Variants in ZNF280C observed in about 807,000 individuals in gnomAD.
ZNF280C encodes zinc finger protein 280C.
Under a neutral mutation model 53.6 loss-of-function variants are expected in ZNF280C, and 14 were observed. The observed-to-expected ratio is 0.26, with a 90% CI of 0.17 to 0.41. ZNF280C has a LOEUF of 0.41. ZNF280C is among the 10% of genes least tolerant of loss of function. ZNF280C has a pLI of 1.00. For synonymous variants in ZNF280C, 203 were observed against 181.1 expected, an observed-to-expected ratio of 1.12 and a Z score of -0.97; for missense variants, 416 against 547.1, an observed-to-expected ratio of 0.76 and a Z score of 2.39.
In ZNF280C at chrX:130,215,657, A is replaced by T. The variant is rs774356433; in HGVS notation, c.1838+134T>A. 4 of 620,849 alleles carry T rather than the reference A, an allele frequency of 6.4e-6. No individual in the cohort carries two copies. In the East Asian group the frequency reaches 1.1e-4, roughly 17 times the overall value. 51.2% of individuals were successfully genotyped at this position (620,849 alleles called of 1,213,427 possible). A position where few individuals can be genotyped will look rare whatever the true frequency, so the allele number is the denominator to read the frequency against. ...GTTCTGCTCAGCAGTTGTAAAAAGT[A>T]CCTTTTTCTCATTTGCTTGGTCTTT... On this transcript the variant is annotated intron_variant, in intron 14 of 18. Coordinates refer to ENST00000370978, the MANE Select transcript of ZNF280C (RefSeq NM_017666.5).
chrX:130,239,529 T>C lies in ZNF280C; in HGVS notation c.493+53A>G, dbSNP rs891090531. On this transcript the variant is annotated intron_variant, in intron 6 of 18. Coordinates refer to ENST00000370978, the MANE Select transcript of ZNF280C (RefSeq NM_017666.5). ...CAAAACAGAAATTCAATTCCATATG[T>C]ATATTCGACAAGTCTCTTTTTATAA... is the stretch of plus-strand genomic sequence containing the variant. The C allele has an allele frequency of 5.1e-5, 36 of 710,226 alleles. No homozygotes were observed. The Admixed American group carries it at 9.1e-4, about 18-fold the overall frequency. The allele number at this position is 710,226 out of a possible 1,213,427, so 58.5% of individuals were successfully genotyped here.
intron 9 of ZNF280C, 121 bp downstream of exon 9, chrX:130,230,389 C>T (rs1208090343): frequency 2.4e-6 from 1 of 420,654 alleles, no homozygotes; most frequent in Non-Finnish European, 3.8e-6. Context: ...TAATCTGCCA[C>T]TGTTCTTAGT....
intron 1 of ZNF280C, among the ~76,000 whole-genome samples, chrX:130,263,666 C>T (rs1365470281): frequency 9.0e-6 from 1 of 111,285 alleles, no homozygotes; most frequent in Non-Finnish European, 1.9e-5. Context: ...ATACTAAAAC[C>T]ACTGAATTGC....
chrX:130,215,838 T>G lies in ZNF280C; in HGVS notation c.1791A>C (p.Arg597=). ...TCATTTTATTTTTTCTGTTGCGCTG[T>G]CGCTTTTGCTTGTAAGAGGGTTTTG... ...SKAKPSYKQK[R]QRNRKNKMSL... The change falls in exon 14 of 19, where the codon CGA becomes CGC. Residue 597 remains arginine, a synonymous_variant. Transcript: ENST00000370978. 8.3e-7 allele frequency: 1 copy of G among 1,210,429 alleles called. No homozygotes were observed. Among genetic ancestry groups the G allele is most frequent in the Non-Finnish European group, 1.1e-6 (1 of 895,065 alleles).
intron 16 of ZNF280C, among the ~76,000 whole-genome samples, chrX:130,206,231 G>C (rs1220662312): frequency 1.8e-5 from 2 of 110,314 alleles, no homozygotes; most frequent in Non-Finnish European, 3.8e-5. Context: ...GAAATGTGAA[G>C]GTTTTAAAAT....
intron 12 of ZNF280C, among the ~76,000 whole-genome samples, chrX:130,222,517 A>C (rs755036631): frequency 2.3e-4 from 26 of 111,751 alleles, no homozygotes; most frequent in Non-Finnish European, 4.0e-4. Flanking sequence ...AACTAGTTCA[A>C]AGTGTCTGCC....
intron 2 of ZNF280C, among the ~76,000 whole-genome samples, chrX:130,248,304 C>G (rs2032470860): frequency 1.9e-5 from 2 of 107,648 alleles, no homozygotes; most frequent in Non-Finnish European, 3.8e-5. Context: ...TTCCTGGCCC[C>G]CAATGACTAC....
chrX:130,264,458 TAA>T (rs2124719411), intron 1 of ZNF280C, among the ~76,000 whole-genome samples: 1 of 111,277 alleles, frequency 9.0e-6, no homozygotes, highest in South Asian at 3.7e-4. Flanking sequence ...TATAACAATA[TAA>T]TTCTCTTTTT....
intron 12 of ZNF280C, among the ~76,000 whole-genome samples, chrX:130,224,927 G>C (rs1419044969): frequency 1.8e-5 from 2 of 111,771 alleles, no homozygotes; most frequent in East Asian, 5.6e-4. Flanking sequence ...TAATAACATA[G>C]AGAACATTTT....
At position 130,243,599 on chromosome X, in the gene ZNF280C, T is replaced by G. The variant is rs762514033; in HGVS notation, c.345A>C (p.Ser115=). The G allele has an allele frequency of 2.4e-5, 29 of 1,209,599 alleles. No individual in the cohort carries two copies. The highest frequency in any genetic ancestry group is 8.7e-5 in the Admixed American group (4 of 45,756). ...CATTCTCAACAGTAACAGAGCTTTG[T>G]GAAGATTTAGATACAAGATGAAATC... ...SPRFHLVSKS[S]QSSVTVENAS... is the part of the protein sequence containing the mutation. Residue 115 remains serine, a synonymous_variant, in exon 5 of 19, where the codon TCA becomes TCC. Transcript: ENST00000370978.
chrX:130,204,710 C>G lies in ZNF280C; in HGVS notation c.*267G>C, dbSNP rs2031952555. On this transcript the variant is annotated 3_prime_UTR_variant, in exon 19 of 19. Transcript: ENST00000370978. ...GGAATGTAATATTCTGAAGGCAAGT[C>G]AAGTATAGCAGAGAAAAACAAAAGG... is the stretch of plus-strand genomic sequence containing the variant. The G allele has an allele frequency of 3.8e-6, 1 of 264,571 alleles. No homozygotes were observed. Among genetic ancestry groups the G allele is most frequent in the African/African-American group, 2.8e-5 (1 of 35,580 alleles). The allele number at this position is 264,571 out of a possible 1,213,427, so 21.8% of individuals were successfully genotyped here.
chrX:130,262,040 A>G (rs1269772078), intron 1 of ZNF280C, among the ~76,000 whole-genome samples: 1 of 112,028 alleles, frequency 8.9e-6, no homozygotes, highest in African/African-American at 3.2e-5. Context: ...TAAAATGATT[A>G]CTAAATGTAC....
chrX:130,204,012 T>A lies in ZNF280C; in HGVS notation c.*965A>T, dbSNP rs890911226. 9.0e-6 allele frequency: 1 copy of A among 111,715 alleles called. No homozygotes were observed. Among genetic ancestry groups the A allele is most frequent in the Non-Finnish European group, 1.9e-5 (1 of 53,231 alleles). The allele number at this position is 111,715 out of a possible 1,213,427, so 9.2% of individuals were successfully genotyped here. ...ATGAGAATATTAGTATTGCTGAAAATTCCTAGAATACTGGATAAAACTTTA... is the reference window on the plus strand; with the variant it reads ...ATGAGAATATTAGTATTGCTGAAAAATCCTAGAATACTGGATAAAACTTTA... On this transcript the variant is annotated 3_prime_UTR_variant, in exon 19 of 19. Transcript: ENST00000370978.
At position 130,246,854 on chromosome X, in the gene ZNF280C, C is replaced by T. The variant is rs769570559; in HGVS notation, c.178+5G>A. On this transcript the variant is annotated splice_donor_5th_base_variant and intron_variant, in intron 3 of 18. Transcript: ENST00000370978. ...AACGTTACTTCACTGAAAGTAAATG[C>T]TTACTTGAAATGGCTGGTTTTGAAC... The T allele has an allele frequency of 2.5e-6, 3 of 1,204,975 alleles. No individual in the cohort carries two copies. The highest frequency in any genetic ancestry group is 3.4e-6 in the Non-Finnish European group (3 of 893,322).
intron 2 of ZNF280C, among the ~76,000 whole-genome samples, chrX:130,249,243 T>C (rs1422540367): frequency 2.7e-5 from 3 of 112,143 alleles, no homozygotes; most frequent in African/African-American, 9.7e-5. Flanking sequence ...CCTGCACCCC[T>C]GAGCCATGCT....
intron 8 of ZNF280C, among the ~76,000 whole-genome samples, chrX:130,232,492 A>C (rs1443191048): frequency 9.0e-6 from 1 of 110,680 alleles, no homozygotes; most frequent in Non-Finnish European, 1.9e-5. Context: ...CCTACAACTC[A>C]ATAGCAAAAA....
intron 12 of ZNF280C, among the ~76,000 whole-genome samples, chrX:130,220,889 T>C (rs1042561029): frequency 2.7e-5 from 3 of 111,041 alleles, no homozygotes; most frequent in African/African-American, 9.8e-5. Context: ...GTGTTCTGTC[T>C]ACTATACAAT....
chrX:130,257,635 A>G (rs2032589297), intron 2 of ZNF280C, among the ~76,000 whole-genome samples: 2 of 111,500 alleles, frequency 1.8e-5, no homozygotes, highest in African/African-American at 3.3e-5. Flanking sequence ...TAGCTTGAAA[A>G]AACAGGGAGT....
chrX:130,205,252 A>T, intron 17 of ZNF280C, 45 bp downstream of exon 17: 1 of 1,135,198 alleles, frequency 8.8e-7, no homozygotes, highest in Non-Finnish European at 1.2e-6. Flanking sequence ...AAAAGTACTG[A>T]AATAAATATC....
Sources: allele counts gnomAD v4.1 joint callset (sites outside exome capture counted in the v4.1 genomes callset), GRCh38; gene constraint gnomAD v4.1.1; transcripts MANE v1.5; gene names NCBI Gene and HGNC (gene_info 2026-07-23, HGNC 2026-07-21).